The following CYFIP2 variants were observed in gnomAD, a reference collection of about 807,000 sequenced individuals.
CYFIP2 encodes the protein cytoplasmic FMR1 interacting protein 2, also known as cytoplasmic FMR1-interacting protein 2.
CYFIP2 carries 29 observed loss-of-function variants against 158.7 expected under a neutral mutation model. That is an observed-to-expected ratio of 0.18 (90% CI 0.14 to 0.25). CYFIP2 has a LOEUF of 0.25. Among genes scored for constraint, CYFIP2 ranks in the 10% least tolerant of loss-of-function variants. CYFIP2 has a pLI of 1.00. For missense variants in CYFIP2, 852 were observed against 1,639.5 expected (o/e 0.52, Z 8.29); for synonymous variants, 585 against 617.6 (o/e 0.95, Z 0.78).
chr5:157,349,618 TG>T lies in CYFIP2; in HGVS notation c.2673+8464del, dbSNP rs377671792. Among the ~76,000 whole-genome samples the T allele has an allele frequency of 1.3e-3, 195 of 152,370 alleles. 1 individual carries two copies. In the East Asian group the frequency reaches 0.027, roughly 21 times the overall value. Reference sequence around the variant, plus strand: ...CCTTTTCGAATGATTTCCTTTCCTCTGGGTAGATACCCAGTAGTGGGATTGC... The same window carrying T: ...CCTTTTCGAATGATTTCCTTTCCTCTGGTAGATACCCAGTAGTGGGATTGC... On this transcript the variant is annotated intron_variant, in intron 23 of 30. Transcript: ENST00000620254.
At chr5:157,306,289 C>T (rs761491582) in intron 8 of CYFIP2, among the ~76,000 whole-genome samples, 10 of 152,172 alleles carry the variant, frequency 6.6e-5, no homozygotes, top group African/African-American at 1.4e-4. Flanking sequence ...ATCAGAAATC[C>T]GGAGAAGCCA....
chr5:157,296,788 G>A lies in CYFIP2; in HGVS notation c.387+14G>A. 6.2e-7 allele frequency: 1 copy of A among 1,606,196 alleles called. No homozygotes were observed. The highest frequency in any genetic ancestry group is 8.5e-7 in the Non-Finnish European group (1 of 1,173,714). The stretch of plus-strand genomic sequence containing the variant: ...ATGTATTTTCAGGTGAGTGGGGAGG[G>A]GCAGGTCTGCATCTGGAGAACTGAA... On this transcript the variant is annotated intron_variant, in intron 5 of 30. Transcript: ENST00000620254.
chr5:157,381,168 A>G (rs1766025989), intron 26 of CYFIP2, among the ~76,000 whole-genome samples: 1 of 152,128 alleles, frequency 6.6e-6, no homozygotes, highest in Non-Finnish European at 1.5e-5. Flanking sequence ...ATAGAATAAA[A>G]ATTGTGTTTT....
chr5:157,273,841 A>G (rs143834259), intron 1 of CYFIP2, among the ~76,000 whole-genome samples: 210 of 152,308 alleles, frequency 1.4e-3, no homozygotes, highest in African/African-American at 4.6e-3. Context: ...CTCATTTAAA[A>G]AATATAGTTC....
At position 157,300,326 on chromosome 5, in the gene CYFIP2, C is replaced by T. The variant is rs542934418; in HGVS notation, c.388-389C>T. 2.6e-4 allele frequency among the ~76,000 whole-genome samples: 39 copies of T among 151,908 alleles called. No homozygotes were observed. In the South Asian group the frequency reaches 7.7e-3, roughly 30 times the overall value. ...CCGAGGCAGGTGGGTCACAAGGTCACGAGATTGAGACCAGCCTGACCAACA... is the reference window on the plus strand; with the variant it reads ...CCGAGGCAGGTGGGTCACAAGGTCATGAGATTGAGACCAGCCTGACCAACA... On this transcript the variant is annotated intron_variant, in intron 5 of 30. Coordinates refer to ENST00000620254, the MANE Select transcript of CYFIP2 (RefSeq NM_001037333.3).
chr5:157,283,314 T>C (rs899169736), intron 1 of CYFIP2, among the ~76,000 whole-genome samples: 1 of 152,228 alleles, frequency 6.6e-6, no homozygotes. Context: ...TCACTATTAT[T>C]ATAATTGGAA....
At chr5:157,372,755 A>C (rs1206549780) in intron 26 of CYFIP2, among the ~76,000 whole-genome samples, 1 of 152,204 alleles carries the variant, frequency 6.6e-6, no homozygotes, top group Non-Finnish European at 1.5e-5. Flanking sequence ...AGATCCAAGA[A>C]AGACAAATGA....
At chr5:157,318,266 G>A (rs542919439) in intron 13 of CYFIP2, among the ~76,000 whole-genome samples, 4 of 152,236 alleles carry the variant, frequency 2.6e-5, no homozygotes, top group South Asian at 4.2e-4. Context: ...GTGATTTGGG[G>A]GTTTCAGCTA....
chr5:157,360,483 G>A, intron 25 of CYFIP2, 111 bp downstream of exon 25: 1 of 805,868 alleles, frequency 1.2e-6, no homozygotes, highest in South Asian at 1.8e-5. Context: ...GCAGAGTACT[G>A]GCTATCCATC....
At chr5:157,314,632 G>A (rs1759996038) in intron 12 of CYFIP2, among the ~76,000 whole-genome samples, 169 bp downstream of exon 12, 2 of 152,190 alleles carry the variant, frequency 1.3e-5, no homozygotes, top group Non-Finnish European at 2.9e-5. Context: ...TATCCGCAGA[G>A]TTGTATAGCC....
rs148677157 is a variant in CYFIP2 at position 157,389,393 on chromosome 5, T to A, written c.3412T>A (p.Cys1138Ser). Residue 1138 changes from cysteine to serine, a missense_variant, in exon 29 of 31, where the codon TGC (cysteine) becomes AGC (serine). This residue lies in a region of CYFIP2 where 223 missense variants were observed against 381.6 expected (regional missense o/e 0.58). Transcript: ENST00000620254. ...GTGGAGCGCCATGCAGTTCGTGTAC[T>A]GCATCCCTGTGGGAACCAACGAGTT... The part of the protein sequence containing the change: ...RLWSAMQFVY[C>S]IPVGTNEFTA... The A allele has an allele frequency of 5.8e-4, 927 of 1,607,794 alleles. 8 individuals are homozygous for A. In the East Asian group the frequency reaches 0.019, roughly 33 times the overall value.
rs138483046 is a variant in CYFIP2 at position 157,345,729 on chromosome 5, G to A, written c.2673+4572G>A. 1,386 of 152,722 alleles carry A rather than the reference G, an allele frequency of 9.1e-3. 11 individuals are homozygous for A. The highest frequency in any genetic ancestry group is 0.024 in the Middle Eastern group (7 of 294). The allele number at this position is 152,722 out of a possible 1,614,324, so 9.5% of individuals were successfully genotyped here. A position where few individuals can be genotyped will look rare whatever the true frequency, so the allele number is the denominator to read the frequency against. On this transcript the variant is annotated intron_variant, in intron 23 of 30. Transcript: ENST00000620254. The stretch of plus-strand genomic sequence containing the variant: ...CTTCAGATCAGCATCATTCACCATG[G>A]CAACCAGCAGGCATCTGTACGCACG...
At chr5:157,380,147 G>T (rs1238112412) in intron 26 of CYFIP2, 1 of 152,182 alleles carries the variant, frequency 6.6e-6, no homozygotes, top group East Asian at 1.9e-4. Context: ...GGAGTGCAGG[G>T]TCTGCAAAAT....
Position 157,300,751 on chromosome 5 carries a change from C to A in CYFIP2, c.424C>A (p.Arg142=). 2 of 1,610,480 alleles carry A rather than the reference C, an allele frequency of 1.2e-6. No individual in the cohort carries two copies. The highest frequency in any genetic ancestry group is 1.7e-4 in the Middle Eastern group (1 of 6,020). The stretch of plus-strand genomic sequence containing the variant: ...CGAGCGGTTCTGCAGCGAGGTGAAG[C>A]GGCTGTGCCATGCCGAGCGCAGGAA... ...AIERFCSEVK[R]LCHAERRKDF... Residue 142 remains arginine (R), a synonymous_variant, in exon 6 of 31, where the codon CGG becomes AGG. Transcript: ENST00000620254.
chr5:157,377,127 A>G (rs750070380), intron 26 of CYFIP2, among the ~76,000 whole-genome samples: 6 of 149,590 alleles, frequency 4.0e-5, no homozygotes, highest in Non-Finnish European at 7.4e-5. Context: ...CTCTTCCAAC[A>G]CCCCCTTTGC....
intron 22 of CYFIP2, among the ~76,000 whole-genome samples, chr5:157,340,687 A>G (rs1445083708): frequency 1.3e-5 from 2 of 152,204 alleles, no homozygotes; most frequent in Admixed American, 6.5e-5. Context: ...CTGGCTTCCA[A>G]AGCTAAAAAT....
At chr5:157,340,909 G>A (rs1292203003) in intron 22 of CYFIP2, among the ~76,000 whole-genome samples, 161 bp from the exon 23 acceptor site, 1 of 152,202 alleles carries the variant, frequency 6.6e-6, no homozygotes, top group Non-Finnish European at 1.5e-5. Context: ...ATGGGAAGAT[G>A]TCAGAAGAGT....
chr5:157,367,855 A>G (rs759290959), intron 26 of CYFIP2, among the ~76,000 whole-genome samples: 7 of 151,358 alleles, frequency 4.6e-5, no homozygotes, highest in Non-Finnish European at 1.0e-4. Flanking sequence ...CCCAGGTTCA[A>G]GCAATTCTCC....
chr5:157,304,218 A>T lies in CYFIP2; in HGVS notation c.667-20A>T, dbSNP rs1217907920. The T allele has an allele frequency of 1.2e-6, 2 of 1,608,470 alleles. No homozygotes were observed. The highest frequency in any genetic ancestry group is 3.4e-5 in the Admixed American group (2 of 59,258). On this transcript the variant is annotated intron_variant, in intron 7 of 30. Coordinates refer to ENST00000620254, the MANE Select transcript of CYFIP2 (RefSeq NM_001037333.3). ...CAGGATACATGCGCTGCCTAACCTG[A>T]GGGTGGCGCTGCTGTTCAGTGTCTC...
Sources: allele counts gnomAD v4.1 joint callset (sites outside exome capture counted in the v4.1 genomes callset), GRCh38; gene constraint gnomAD v4.1.1; regional missense constraint gnomAD v4.1.1; transcripts MANE v1.5; gene names NCBI Gene and HGNC (gene_info 2026-07-23, HGNC 2026-07-21).